SH3GLB1: variants seen among roughly 807,000 people sequenced by gnomAD.
SH3GLB1 encodes the protein endophilin-B1.
Under a neutral mutation model 42.0 loss-of-function variants are expected in SH3GLB1, and 17 were observed. The ratio of observed to expected loss-of-function variants is 0.40; its 90% CI spans 0.28 to 0.61. SH3GLB1 has a LOEUF of 0.61. Among genes scored for constraint, SH3GLB1 ranks in the 20% least tolerant of loss-of-function variants. The pLI, the probability that SH3GLB1 is intolerant of heterozygous loss-of-function variation, is 0.36. For missense variants in SH3GLB1, 355 were observed against 426.3 expected (o/e 0.83, Z 1.47); for synonymous variants, 132 against 146.6 (o/e 0.90, Z 0.72).
chr1:86,744,259 G>C lies in SH3GLB1; in HGVS notation c.*1024G>C, dbSNP rs887395042. On this transcript the variant is annotated 3_prime_UTR_variant, in exon 9 of 9. Transcript: ENST00000370558. ...CATTGGAAGCTAGAAAATTGCTGTT[G>C]GGGCCATTGCTATAAATCATTGTTT... The C allele has an allele frequency of 6.6e-6, 1 of 152,100 alleles. No individual in the cohort carries two copies. Among genetic ancestry groups the C allele is most frequent in the Non-Finnish European group, 1.5e-5 (1 of 68,010 alleles). 9.4% of individuals were successfully genotyped at this position (152,100 alleles called of 1,614,324 possible). A position where few individuals can be genotyped will look rare whatever the true frequency, so the allele number is the denominator to read the frequency against.
At chr1:86,731,646 A>G (rs573590136) in intron 5 of SH3GLB1, among the ~76,000 whole-genome samples, 1 of 152,344 alleles carries the variant, frequency 6.6e-6, no homozygotes, top group African/African-American at 2.4e-5. Context: ...CAAGTTTAGG[A>G]AATAATTGAT....
At chr1:86,729,571 A>G (rs1276632422) in intron 5 of SH3GLB1, among the ~76,000 whole-genome samples, 1 of 152,148 alleles carries the variant, frequency 6.6e-6, no homozygotes, top group Non-Finnish European at 1.5e-5. Context: ...ATTCTAAACA[A>G]TTAACAGGAC....
At chr1:86,719,919 C>T (rs1045424097) in intron 3 of SH3GLB1, among the ~76,000 whole-genome samples, 4 of 145,952 alleles carry the variant, frequency 2.7e-5, no homozygotes, top group African/African-American at 1.0e-4. Flanking sequence ...TGGCGTGAAC[C>T]TTGGACGTGG....
Position 86,704,600 on chromosome 1 carries a change from A to G in SH3GLB1, c.-300A>G, listed in dbSNP as rs1653694945. The G allele has an allele frequency of 3.7e-6, 1 of 270,348 alleles. No homozygotes were observed. Among genetic ancestry groups the G allele is most frequent in the Non-Finnish European group, 7.1e-6 (1 of 140,720 alleles). 16.7% of individuals were successfully genotyped at this position (270,348 alleles called of 1,614,324 possible). A position where few individuals can be genotyped will look rare whatever the true frequency, so the allele number is the denominator to read the frequency against. ...TGTTTTTCCCTTGGGACCCGGGTCCACACGGCGGGGTCGCCCGTCCATCTC... is the reference window on the plus strand; with the variant it reads ...TGTTTTTCCCTTGGGACCCGGGTCCGCACGGCGGGGTCGCCCGTCCATCTC... On this transcript the variant is annotated 5_prime_UTR_variant, in exon 1 of 9. Coordinates refer to ENST00000370558, the MANE Select transcript of SH3GLB1 (RefSeq NM_016009.5).
chr1:86,728,303 C>A, intron 5 of SH3GLB1: 1 of 491,096 alleles, frequency 2.0e-6, no homozygotes, highest in Non-Finnish European at 3.5e-6. Flanking sequence ...ATTTGATTGG[C>A]TCTTTTACTT....
At chr1:86,716,265 T>C (rs1570414488) in intron 2 of SH3GLB1, among the ~76,000 whole-genome samples, 1 of 149,704 alleles carries the variant, frequency 6.7e-6, no homozygotes, top group Non-Finnish European at 1.5e-5. Context: ...TTTTTTTGTT[T>C]GTTTGTTTGT....
In SH3GLB1 at chr1:86,746,527, G is replaced by T. The variant is rs1176892653; in HGVS notation, c.*3292G>T. ...ATGTGAGTCTCAAACGCTGGAGAGA[G>T]AGTTCCACAACCACCCCTGCCCTTT... On this transcript the variant is annotated 3_prime_UTR_variant, in exon 9 of 9. Transcript: ENST00000370558. The T allele has an allele frequency of 6.6e-6, 1 of 152,260 alleles. No homozygotes were observed. Among genetic ancestry groups the T allele is most frequent in the Non-Finnish European group, 1.5e-5 (1 of 68,130 alleles). 9.4% of individuals were successfully genotyped at this position (152,260 alleles called of 1,614,324 possible). A position where few individuals can be genotyped will look rare whatever the true frequency, so the allele number is the denominator to read the frequency against.
At chr1:86,705,942 C>G (rs183602337) in intron 1 of SH3GLB1, among the ~76,000 whole-genome samples, 21 of 152,328 alleles carry the variant, frequency 1.4e-4, no homozygotes, top group African/African-American at 4.8e-4. Flanking sequence ...TGTTCTGTGG[C>G]TTTACTACTT....
intron 2 of SH3GLB1, among the ~76,000 whole-genome samples, chr1:86,717,108 A>C (rs1459639283): frequency 6.6e-6 from 1 of 152,078 alleles, no homozygotes; most frequent in Non-Finnish European, 1.5e-5. Context: ...CTGCATGTGT[A>C]CTCCTTGAAC....
chr1:86,738,921 G>A (rs1280501347), intron 7 of SH3GLB1, among the ~76,000 whole-genome samples: 1 of 152,226 alleles, frequency 6.6e-6, no homozygotes, highest in Non-Finnish European at 1.5e-5. Context: ...TGGGATTATA[G>A]GCGTGAGCCA....
rs573889213 is a variant in SH3GLB1 at position 86,744,967 on chromosome 1, T to C, written c.*1732T>C. The C allele has an allele frequency of 2.0e-5, 3 of 152,208 alleles. No individual in the cohort carries two copies. The highest frequency in any genetic ancestry group is 4.4e-5 in the Non-Finnish European group (3 of 68,040). 9.4% of individuals were successfully genotyped at this position (152,208 alleles called of 1,614,324 possible). ...GTAAAACCAAGTAAATGAAATTTTC[T>C]CTCCCCTCAGAAAGGAAGTTCTACA... On this transcript the variant is annotated 3_prime_UTR_variant, in exon 9 of 9. Coordinates refer to ENST00000370558, the MANE Select transcript of SH3GLB1 (RefSeq NM_016009.5).
At chr1:86,707,270 G>A (rs1199012026) in intron 1 of SH3GLB1, among the ~76,000 whole-genome samples, 1 of 152,212 alleles carries the variant, frequency 6.6e-6, no homozygotes, top group Non-Finnish European at 1.5e-5. Context: ...CCTCAAGGAA[G>A]TGACAGACCT....
At chr1:86,713,200 G>A (rs1424624640) in intron 1 of SH3GLB1, among the ~76,000 whole-genome samples, 1 of 152,068 alleles carries the variant, frequency 6.6e-6, no homozygotes, top group Middle Eastern at 3.4e-3. Flanking sequence ...ATGGAGTGCA[G>A]TGGAGTGCAG....
In SH3GLB1 at chr1:86,707,282, G is replaced by GT. The variant is rs1485529589; in HGVS notation, c.72+2319dup. On this transcript the variant is annotated intron_variant, in intron 1 of 8. Coordinates refer to ENST00000370558, the MANE Select transcript of SH3GLB1 (RefSeq NM_016009.5). ...AGACCTCAAGGAAGTGACAGACCTA[G>GT]TTTTTTTTGGAATAAAAGTATTTCA... 8.5e-5 allele frequency among the ~76,000 whole-genome samples: 13 copies of GT among 152,180 alleles called. No individual in the cohort carries two copies. In the East Asian group the frequency reaches 1.5e-3, roughly 18 times the overall value.
At chr1:86,724,892 A>AATATATATATATATATATATATATATAT (rs58927851) in intron 5 of SH3GLB1, among the ~76,000 whole-genome samples, 24 of 99,614 alleles carry the variant, frequency 2.4e-4, no homozygotes, top group Middle Eastern at 5.7e-3. Context: ...AAAAAAAAAA[A>AATATATATATATATATATATATATATAT]ATATATATAT....
intron 7 of SH3GLB1, among the ~76,000 whole-genome samples, chr1:86,740,040 G>C (rs562571494): frequency 6.6e-6 from 1 of 152,226 alleles, no homozygotes; most frequent in East Asian, 1.9e-4. Flanking sequence ...CAGCTACTCA[G>C]GAAGCTGAGG....
chr1:86,710,220 A>G (rs967775157), intron 1 of SH3GLB1, among the ~76,000 whole-genome samples: 1 of 152,226 alleles, frequency 6.6e-6, no homozygotes, highest in Non-Finnish European at 1.5e-5. Context: ...TAAGGTAATT[A>G]GAAAATCTAT....
At chr1:86,713,464 A>G (rs1225611757) in intron 1 of SH3GLB1, among the ~76,000 whole-genome samples, 1 of 152,206 alleles carries the variant, frequency 6.6e-6, no homozygotes, top group Non-Finnish European at 1.5e-5. Context: ...AAGGATTTCC[A>G]CAGAGAAATT....
chr1:86,719,765 G>C lies in SH3GLB1; in HGVS notation c.343+130G>C, dbSNP rs971926910. On this transcript the variant is annotated intron_variant, in intron 3 of 8. Coordinates refer to ENST00000370558, the MANE Select transcript of SH3GLB1 (RefSeq NM_016009.5). ...AATCCCAGCACTTTGGGTGGTTGAG[G>C]TGGGCGGATCATGAGGTCAGGAGAT... 4 of 818,538 alleles carry C rather than the reference G, an allele frequency of 4.9e-6. No individual in the cohort carries two copies. In the African/African-American group the frequency reaches 7.1e-5, roughly 15 times the overall value. The allele number at this position is 818,538 out of a possible 1,614,324, so 50.7% of individuals were successfully genotyped here. A position where few individuals can be genotyped will look rare whatever the true frequency, so the allele number is the denominator to read the frequency against.
Sources: allele counts gnomAD v4.1 joint callset (sites outside exome capture counted in the v4.1 genomes callset), GRCh38; gene constraint gnomAD v4.1.1; transcripts MANE v1.5; gene names NCBI Gene and HGNC (gene_info 2026-07-23, HGNC 2026-07-21).